Variants in NCOA7 observed in about 807,000 individuals in gnomAD.
The protein encoded by NCOA7 is nuclear receptor coactivator 7.
In NCOA7, 45 loss-of-function variants were observed where a neutral mutation model predicts 104.3. That is an observed-to-expected ratio of 0.43 (90% CI 0.34 to 0.55). NCOA7 has a LOEUF of 0.55. Ranked by LOEUF, NCOA7 falls within the 20% of genes least tolerant of loss-of-function variation. The probability of loss-of-function intolerance (pLI) is 0.02; values close to 1 mark genes in which losing one functional copy is unlikely to be tolerated. For missense variants in NCOA7, 1,041 were observed against 1,119.7 expected (o/e 0.93, Z 1.00); for synonymous variants, 398 against 402.3 (o/e 0.99, Z 0.13).
intron 1 of NCOA7, among the ~76,000 whole-genome samples, chr6:125,793,027 T>C (rs1774997476): frequency 6.6e-6 from 1 of 152,210 alleles, no homozygotes; most frequent in Admixed American, 6.5e-5. Context: ...CACAATATGG[T>C]AGGCCATACT....
chr6:125,888,933 C>G lies in NCOA7; in HGVS notation c.885-6C>G. 1 of 1,581,622 alleles carries G rather than the reference C, an allele frequency of 6.3e-7. No homozygotes were observed. The highest frequency in any genetic ancestry group is 8.6e-7 in the Non-Finnish European group (1 of 1,163,334). On this transcript the variant is annotated splice_polypyrimidine_tract_variant and splice_region_variant and intron_variant, in intron 8 of 15. Coordinates refer to ENST00000392477, the MANE Select transcript of NCOA7 (RefSeq NM_181782.5). ...CCATGTGCACCCACCATTTCTCCCC[C>G]AACAGTGACCTACCTCAGGATCTTT... is the stretch of plus-strand genomic sequence containing the variant.
chr6:125,926,085 T>A (rs1369152300), intron 13 of NCOA7, among the ~76,000 whole-genome samples: 1 of 151,994 alleles, frequency 6.6e-6, no homozygotes, highest in Non-Finnish European at 1.5e-5. Context: ...CCGAGGCAGG[T>A]GGATCACCTG....
intron 3 of NCOA7, among the ~76,000 whole-genome samples, chr6:125,872,014 A>C (rs1386519115): frequency 6.6e-6 from 1 of 151,800 alleles, no homozygotes; most frequent in African/African-American, 2.4e-5. Context: ...AAAAAAAAAA[A>C]AAAAGACACA....
chr6:125,871,875 T>C (rs1782948765), intron 3 of NCOA7, among the ~76,000 whole-genome samples: 1 of 151,866 alleles, frequency 6.6e-6, no homozygotes, highest in Non-Finnish European at 1.5e-5. Context: ...CATGAGCCCG[T>C]AGTCCCAGCT....
chr6:125,913,921 G>A (rs112443116), intron 10 of NCOA7, among the ~76,000 whole-genome samples: 222 of 152,314 alleles, frequency 1.5e-3, no homozygotes, highest in African/African-American at 5.1e-3. Flanking sequence ...TGAAAGGAAC[G>A]CAAATGGAGT....
intron 10 of NCOA7, among the ~76,000 whole-genome samples, chr6:125,900,463 TA>T (rs1473708978): frequency 6.6e-6 from 1 of 152,260 alleles, no homozygotes; most frequent in African/African-American, 2.4e-5. Context: ...GCGTTCCTAT[TA>T]TTTTTGGTGA....
chr6:125,893,764 G>A (rs935245798), intron 10 of NCOA7, among the ~76,000 whole-genome samples: 7 of 152,140 alleles, frequency 4.6e-5, no homozygotes, highest in Non-Finnish European at 7.4e-5. Flanking sequence ...GCCTAAATAC[G>A]TAATAGTTTT....
chr6:125,805,620 A>T (rs922424431), intron 1 of NCOA7, among the ~76,000 whole-genome samples: 51 of 152,348 alleles, frequency 3.3e-4, no homozygotes, highest in African/African-American at 1.2e-3. Flanking sequence ...AATTGAGATT[A>T]ACTCCCTCAT....
At chr6:125,895,670 G>A (rs1784945269) in intron 10 of NCOA7, among the ~76,000 whole-genome samples, 1 of 152,108 alleles carries the variant, frequency 6.6e-6, no homozygotes, top group Non-Finnish European at 1.5e-5. Flanking sequence ...TTCTGTTGAG[G>A]CCTCAGGAAG....
At chr6:125,880,135 A>AT (rs1783700559) in intron 5 of NCOA7, among the ~76,000 whole-genome samples, 1 of 152,166 alleles carries the variant, frequency 6.6e-6, no homozygotes, top group African/African-American at 2.4e-5. Flanking sequence ...ATTCTGTATA[A>AT]TTTTTTGGGG....
chr6:125,920,760 C>A (rs979945180), intron 11 of NCOA7, among the ~76,000 whole-genome samples, 183 bp from the exon 12 acceptor site: 6 of 152,126 alleles, frequency 3.9e-5, no homozygotes, highest in Admixed American at 3.9e-4. Context: ...ATTGTACTGT[C>A]TTTAATTGTG....
chr6:125,866,977 T>A (rs1782492433), intron 3 of NCOA7, among the ~76,000 whole-genome samples: 2 of 152,236 alleles, frequency 1.3e-5, no homozygotes, highest in South Asian at 2.1e-4. Context: ...TAAACATTAA[T>A]TTGAAAAAAG....
At chr6:125,854,959 T>A in intron 2 of NCOA7, 61 bp from the exon 3 acceptor site, 1 of 1,159,598 alleles carries the variant, frequency 8.6e-7, no homozygotes. Flanking sequence ...GTGAAATTAA[T>A]ATGATTTCTA....
rs555432383 is a variant in NCOA7 at position 125,863,002 on chromosome 6, C to CA, written c.271+7769dup. 1.9e-4 allele frequency among the ~76,000 whole-genome samples: 26 copies of CA among 138,036 alleles called. 4 individuals carry two copies. Among genetic ancestry groups the CA allele is most frequent in the Admixed American group, 1.2e-3 (17 of 14,608 alleles). 90.6% of individuals were successfully genotyped at this position (138,036 alleles called of 152,430 possible). On this transcript the variant is annotated intron_variant, in intron 3 of 15. Coordinates refer to ENST00000392477, the MANE Select transcript of NCOA7 (RefSeq NM_181782.5). The stretch of plus-strand genomic sequence containing the variant: ...AGAGTGAGACTTCGTCTCAAAAAAA[C>CA]AAAAAAACAAACAAAAAACCCTACT...
chr6:125,894,411 T>A (rs1784848309), intron 10 of NCOA7, among the ~76,000 whole-genome samples: 1 of 152,136 alleles, frequency 6.6e-6, no homozygotes, highest in South Asian at 2.1e-4. Context: ...TTCACTACTG[T>A]CCCCTTCCCT....
intron 11 of NCOA7, chr6:125,919,348 C>T: frequency 6.2e-7 from 1 of 1,612,868 alleles, no homozygotes; most frequent in East Asian, 2.2e-5. Flanking sequence ...ACACTTCTCA[C>T]TGCTCACAAT....
rs770320776 is a variant in NCOA7, at chr6:125,922,714, G to T, written c.2403G>T (p.Gly801=). The T allele has an allele frequency of 4.3e-6, 7 of 1,613,844 alleles. No homozygotes were observed. In the South Asian group the frequency reaches 6.6e-5, roughly 15 times the overall value. The change falls in exon 13 of 16, where the codon GGG becomes GGT. Residue 801 remains glycine (G), a synonymous_variant. Transcript: ENST00000392477. ...LARRLPARVQ[G]YPWRLAYSTL... is the part of the protein sequence containing the mutation. ...GACGCCTTCCTGCAAGGGTGCAAGG[G>T]TATCCATGGAGACTGGCCTATAGCA...
chr6:125,851,098 A>T (rs1175275628), intron 2 of NCOA7, among the ~76,000 whole-genome samples: 1 of 152,046 alleles, frequency 6.6e-6, no homozygotes, highest in Non-Finnish European at 1.5e-5. Flanking sequence ...ATTTTTGGTT[A>T]TTTTTTTATT....
chr6:125,785,092 C>G (rs1774401420), intron 1 of NCOA7, among the ~76,000 whole-genome samples: 1 of 152,104 alleles, frequency 6.6e-6, no homozygotes, highest in Admixed American at 6.5e-5. Flanking sequence ...AATCCCAGCA[C>G]TTTGGGAGGC....
Sources: gnomAD v4.1 joint callset for allele counts (sites outside exome capture counted in the v4.1 genomes callset) on GRCh38, gnomAD v4.1.1 for gene constraint, MANE v1.5 for transcripts, NCBI Gene and HGNC (gene_info 2026-07-23, HGNC 2026-07-21) for gene names.